Variants in CYP4B1 observed in about 807,000 individuals in gnomAD.
The protein encoded by CYP4B1 is cytochrome P450 4B1.
In CYP4B1, 45 loss-of-function variants were observed where a neutral mutation model predicts 54.0. The ratio of observed to expected loss-of-function variants is 0.83; its 90% CI spans 0.66 to 1.07. The LOEUF (loss-of-function observed/expected upper bound fraction) is 1.07. Ranked by LOEUF, CYP4B1 falls within the 50% of genes least tolerant of loss-of-function variation. The pLI is 0.00. For synonymous variants in CYP4B1, 248 were observed against 247.5 expected (o/e 1.00, Z -0.02); for missense variants, 656 against 655.4 (o/e 1.00, Z -0.01).
chr1:46,807,687 A>G (rs1678914867), intron 1 of CYP4B1, among the ~76,000 whole-genome samples: 1 of 152,232 alleles, frequency 6.6e-6, no homozygotes, highest in African/African-American at 2.4e-5. Context: ...GGTTGAACTC[A>G]GGATTCTGCG....
chr1:46,815,191 C>G lies in CYP4B1; in HGVS notation c.1000C>G (p.Leu334Val). The change falls in exon 8 of 12, where the codon CTG becomes GTG. Residue 334 changes from leucine (L) to valine (V), a missense_variant. Physicochemically the swap from Leu to Val is conservative, Grantham distance 32. Transcript: ENST00000371923. ...GISWFLYCMA[L>V]YPEHQHRCRE... is the part of the protein sequence containing the mutation. ...CTCCTGGTTTCTCTACTGCATGGCC[C>G]TGTACCCTGAGCACCAGCATCGTTG... The G allele has an allele frequency of 6.2e-7, 1 of 1,610,640 alleles. No individual in the cohort carries two copies. The highest frequency in any genetic ancestry group is 8.5e-7 in the Non-Finnish European group (1 of 1,178,286).
intron 1 of CYP4B1, among the ~76,000 whole-genome samples, chr1:46,809,176 TA>T (rs555630664): frequency 0.028 from 4,025 of 142,464 alleles, 67 homozygotes; most frequent in Middle Eastern, 0.052. Flanking sequence ...GCAAAATCCT[TA>T]AAAAAAAACA....
rs1553130093 is a variant in CYP4B1 at position 46,800,195 on chromosome 1, T to TTCTCTC, written c.180+939_180+940insCTCTCT. On this transcript the variant is annotated intron_variant, in intron 1 of 11. Transcript: ENST00000371923. Reference sequence around the variant, plus strand: ...TTCTTCTTTCTTTCTCTTTCTTTCTTTCTCTTTCTTTCTTTCTTTCTCTTT... The same window carrying TTCTCTC: ...TTCTTCTTTCTTTCTCTTTCTTTCTTTCTCTCTCTCTTTCTTTCTTTCTTTCTCTTT... Among the ~76,000 whole-genome samples the TTCTCTC allele has an allele frequency of 2.3e-4, 9 of 38,344 alleles. No homozygotes were observed. In the South Asian group the frequency reaches 3.4e-3, roughly 14 times the overall value. The allele number at this position is 38,344 out of a possible 152,430, so 25.2% of individuals were successfully genotyped here.
At position 46,816,740 on chromosome 1, in the gene CYP4B1, G is replaced by A. The variant is rs1679347907; in HGVS notation, c.1074-308G>A. Among the ~76,000 whole-genome samples the A allele has an allele frequency of 2.0e-5, 3 of 152,170 alleles. No individual in the cohort carries two copies. The South Asian group carries it at 6.2e-4, about 32-fold the overall frequency. ...GAACTGTCCTTTGTAGGCTTCCATGGGGGTCCTGAGAGTTGCAGAAGTGAC... is the reference window on the plus strand; with the variant it reads ...GAACTGTCCTTTGTAGGCTTCCATGAGGGTCCTGAGAGTTGCAGAAGTGAC... On this transcript the variant is annotated intron_variant, in intron 8 of 11. Coordinates refer to ENST00000371923, the MANE Select transcript of CYP4B1 (RefSeq NM_001099772.2).
chr1:46,809,443 G>A (rs374352851), intron 1 of CYP4B1, among the ~76,000 whole-genome samples: 3 of 152,368 alleles, frequency 2.0e-5, no homozygotes, highest in South Asian at 4.1e-4. Flanking sequence ...GCAATTGTGA[G>A]AGAGAATTTT....
Position 46,817,996 on chromosome 1 carries a change from C to T in CYP4B1, c.1239C>T (p.Leu413=), listed in dbSNP as rs183384583. ...TGATCTCTATGCATATCTATGCCCT[C>T]CATAGGAACAGTGCTGTATGGCCCG... ...GSLISMHIYA[L]HRNSAVWPDP... is the part of the protein sequence containing the mutation. The change falls in exon 10 of 12, where the codon CTC becomes CTT. Residue 413 remains leucine, a synonymous_variant. Transcript: ENST00000371923. 3.5e-4 allele frequency: 569 copies of T among 1,614,196 alleles called. No individual in the cohort carries two copies. The highest frequency in any genetic ancestry group is 4.7e-4 in the Non-Finnish European group (555 of 1,180,012).
chr1:46,803,848 T>C (rs1382075531), intron 1 of CYP4B1, among the ~76,000 whole-genome samples: 2 of 152,150 alleles, frequency 1.3e-5, no homozygotes, highest in East Asian at 3.9e-4. Context: ...TCCATATTCC[T>C]GGCTAGTTTT....
chr1:46,813,172 G>C (rs1302513455), intron 4 of CYP4B1, among the ~76,000 whole-genome samples: 1 of 152,168 alleles, frequency 6.6e-6, no homozygotes, highest in Non-Finnish European at 1.5e-5. Flanking sequence ...ACACCATGCG[G>C]GGGAGCTCAC....
At chr1:46,799,788 GGTGGCTCAGGAGCC>G (rs1194058450) in intron 1 of CYP4B1, among the ~76,000 whole-genome samples, 2 of 152,260 alleles carry the variant, frequency 1.3e-5, no homozygotes, top group Non-Finnish European at 2.9e-5. Flanking sequence ...CATGCCTATG[GGTGGCTCAGGAGCC>G]GTGACACCTT....
intron 7 of CYP4B1, 177 bp from the exon 8 acceptor site, chr1:46,814,897 G>A (rs1679269755): frequency 1.6e-6 from 1 of 607,410 alleles, no homozygotes; most frequent in Non-Finnish European, 2.9e-6. Context: ...GGAGGAGGAG[G>A]CATCCAGGCT....
intron 8 of CYP4B1, among the ~76,000 whole-genome samples, chr1:46,816,052 C>G (rs371253715): frequency 2.0e-5 from 3 of 152,156 alleles, no homozygotes; most frequent in Non-Finnish European, 4.4e-5. Context: ...GGGTCTAGGA[C>G]CTGGAGTATG....
intron 1 of CYP4B1, among the ~76,000 whole-genome samples, chr1:46,805,391 C>T (rs1212477492): frequency 2.0e-5 from 3 of 152,244 alleles, no homozygotes; most frequent in African/African-American, 7.2e-5. Context: ...CAAAGCCCAT[C>T]ATCACTTCCT....
At chr1:46,810,415 G>A (rs1218108637) in intron 1 of CYP4B1, among the ~76,000 whole-genome samples, 1 of 152,152 alleles carries the variant, frequency 6.6e-6, no homozygotes, top group East Asian at 1.9e-4. Context: ...TGAACGATAC[G>A]GCAGGGGTGG....
In CYP4B1 at chr1:46,799,117, C is replaced by G. The variant is rs1678500651; in HGVS notation, c.36C>G (p.Ser12=). 6.2e-7 allele frequency: 1 copy of G among 1,613,898 alleles called. No homozygotes were observed. Among genetic ancestry groups the G allele is most frequent in the Admixed American group, 1.7e-5 (1 of 59,988 alleles). The stretch of plus-strand genomic sequence containing the variant: ...GCTTCCTCTCCCTGAGCTTCTCCTC[C>G]TTGGGCCTGTGGGCTTCTGGGCTGA... The part of the protein sequence containing the change: ...VPSFLSLSFS[S]LGLWASGLIL... Residue 12 remains serine (S), a synonymous_variant, in exon 1 of 12, where the codon TCC becomes TCG. Coordinates refer to ENST00000371923, the MANE Select transcript of CYP4B1 (RefSeq NM_001099772.2).
rs745681511 is a variant in CYP4B1 at position 46,818,636 on chromosome 1, G to A, written c.1361G>A (p.Cys454Tyr). ...CTTTGTGCTGCTTGCTACAGGAACTGCATTGGGCAGCAGTTTGCCATGAGT... is the reference window on the plus strand; with the variant it reads ...CTTTGTGCTGCTTGCTACAGGAACTACATTGGGCAGCAGTTTGCCATGAGT... ...FMPFSAGPRNCIGQQFAMSEM... is the reference protein window; with the variant it reads ...FMPFSAGPRNYIGQQFAMSEM... Residue 454 changes from cysteine to tyrosine, a missense_variant, in exon 12 of 12, where the codon TGC (cysteine) becomes TAC (tyrosine). Cys to Tyr is a radical substitution (Grantham distance 194). Coordinates refer to ENST00000371923, the MANE Select transcript of CYP4B1 (RefSeq NM_001099772.2). The A allele has an allele frequency of 1.5e-5, 24 of 1,614,092 alleles. No homozygotes were observed. Among genetic ancestry groups the A allele is most frequent in the Admixed American group, 3.3e-5 (2 of 60,018 alleles).
Position 46,818,871 on chromosome 1 carries a change from C to A in CYP4B1, c.*57C>A, listed in dbSNP as rs1337779077. The stretch of plus-strand genomic sequence containing the variant: ...GGCTGTGACCTCCCTGGGCACCACC[C>A]TCCCCAGGCTGGGTGTGGAGGAGTT... On this transcript the variant is annotated 3_prime_UTR_variant, in exon 12 of 12. Transcript: ENST00000371923. 1.2e-5 allele frequency: 19 copies of A among 1,566,606 alleles called. No individual in the cohort carries two copies. The highest frequency in any genetic ancestry group is 1.6e-5 in the Non-Finnish European group (18 of 1,145,376).
intron 1 of CYP4B1, among the ~76,000 whole-genome samples, chr1:46,807,095 T>G (rs1285903286): frequency 5.3e-5 from 8 of 152,214 alleles, no homozygotes; most frequent in African/African-American, 1.9e-4. Flanking sequence ...AGTTTGGCCA[T>G]CGCTTGGGCT....
intron 11 of CYP4B1, 118 bp from the exon 12 acceptor site, chr1:46,818,513 C>G: frequency 1.8e-6 from 2 of 1,087,048 alleles, no homozygotes; most frequent in Admixed American, 3.9e-5. Context: ...GTCAACCAAT[C>G]TATCAGCCAG....
intron 2 of CYP4B1, 95 bp from the exon 3 acceptor site, chr1:46,811,045 C>T: frequency 1.2e-6 from 2 of 1,602,418 alleles, no homozygotes; most frequent in Non-Finnish European, 8.5e-7. Flanking sequence ...GGCCTGTGTA[C>T]TAAGTCTGCG....
Sources: allele counts gnomAD v4.1 joint callset (sites outside exome capture counted in the v4.1 genomes callset), GRCh38; gene constraint gnomAD v4.1.1; transcripts MANE v1.5; gene names NCBI Gene and HGNC (gene_info 2026-07-23, HGNC 2026-07-21).